Variants in ABLIM1 observed in about 807,000 individuals in gnomAD.
The protein encoded by ABLIM1 is actin binding LIM protein 1.
In ABLIM1, 40 loss-of-function variants were observed where a neutral mutation model predicts 107.0. That is an observed-to-expected ratio of 0.37 (90% confidence interval 0.29 to 0.49). The LOEUF (loss-of-function observed/expected upper bound fraction) is 0.49. ABLIM1 is among the 20% of genes least tolerant of loss of function. The probability of loss-of-function intolerance (pLI) is 0.97; values close to 1 mark genes in which losing one functional copy is unlikely to be tolerated. For missense variants in ABLIM1, 857 were observed against 1,008.5 expected, an observed-to-expected ratio of 0.85 and a Z score of 2.04; for synonymous variants, 357 against 357.3, an observed-to-expected ratio of 1.00 and a Z score of 0.01.
chr10:114,562,614 G>A (rs2069918132), intron 4 of ABLIM1, among the ~76,000 whole-genome samples: 1 of 152,220 alleles, frequency 6.6e-6, no homozygotes, highest in Non-Finnish European at 1.5e-5. Context: ...CCCCTGTTAA[G>A]TAAGGGAAAA....
the ABLIM1 span, among the ~76,000 whole-genome samples, chr10:114,789,816 G>C: frequency 6.7e-6 from 1 of 148,170 alleles, no homozygotes; most frequent in South Asian, 2.1e-4. Context: ...TGGATACAGA[G>C]TCTCACTCTA....
chr10:114,471,572 G>A (rs754931714), intron 10 of ABLIM1, among the ~76,000 whole-genome samples: 19 of 152,050 alleles, frequency 1.2e-4, no homozygotes, highest in Non-Finnish European at 2.2e-4. Flanking sequence ...ACATGAAAAT[G>A]GATATCACTT....
At chr10:114,518,512 C>G (rs1487780318) in intron 6 of ABLIM1, among the ~76,000 whole-genome samples, 2 of 151,500 alleles carry the variant, frequency 1.3e-5, no homozygotes, top group African/African-American at 4.8e-5. Context: ...TGGTCCTGTG[C>G]CAATAAAGCT....
At position 114,703,819 on chromosome 10, in the gene ABLIM1, G is replaced by C. The variant is rs138164156; in HGVS notation, c.-213+64242C>G. Among the ~76,000 whole-genome samples, 815 of 152,280 alleles carry C rather than the reference G, an allele frequency of 5.4e-3. 3 individuals are homozygous for C. Among genetic ancestry groups the C allele is most frequent in the Non-Finnish European group, 8.1e-3 (551 of 68,024 alleles). ...GAGCCCAGAAGGGTCGCAGATAGAGGCTGGGGGCACAGAACACTACCACCC... is the reference window on the plus strand; with the variant it reads ...GAGCCCAGAAGGGTCGCAGATAGAGCCTGGGGGCACAGAACACTACCACCC... On this transcript the variant is annotated intron_variant, in intron 1 of 15. Coordinates refer to the ABLIM1 transcript ENST00000651092.
chr10:114,737,945 G>A (rs184879289), intron 1 of ABLIM1, among the ~76,000 whole-genome samples: 6 of 151,750 alleles, frequency 4.0e-5, no homozygotes, highest in African/African-American at 1.4e-4. Context: ...CTACTTTTGT[G>A]AATATTAAAA....
chr10:114,473,780 T>C, intron 9 of ABLIM1, 99 bp downstream of exon 9: 1 of 878,138 alleles, frequency 1.1e-6, no homozygotes, highest in Non-Finnish European at 1.8e-6. Flanking sequence ...AAAATAGAAA[T>C]CACTTTGAAT....
At chr10:114,676,931 T>C (rs1179703614) in intron 1 of ABLIM1, among the ~76,000 whole-genome samples, 1 of 152,088 alleles carries the variant, frequency 6.6e-6, no homozygotes, top group Non-Finnish European at 1.5e-5. Flanking sequence ...AGACGGGGTT[T>C]CTCCATGTTG....
chr10:114,613,195 C>G (rs1023877155), intron 1 of ABLIM1, among the ~76,000 whole-genome samples: 1 of 152,238 alleles, frequency 6.6e-6, no homozygotes, highest in Admixed American at 6.5e-5. Flanking sequence ...AAGATAATAA[C>G]TCCTGTGATC....
chr10:114,603,383 G>T (rs1372711202), intron 1 of ABLIM1, among the ~76,000 whole-genome samples: 2 of 152,098 alleles, frequency 1.3e-5, no homozygotes, highest in African/African-American at 4.8e-5. Context: ...CTAGGAGCAG[G>T]TGTAGTTTCA....
intron 6 of ABLIM1, among the ~76,000 whole-genome samples, chr10:114,544,353 C>T (rs2067055974): frequency 6.6e-6 from 1 of 152,208 alleles, no homozygotes; most frequent in South Asian, 2.1e-4. Flanking sequence ...CTTCTGAACT[C>T]TGGCCCCAGA....
intron 6 of ABLIM1, among the ~76,000 whole-genome samples, chr10:114,493,552 A>G (rs1484787148): frequency 4.6e-5 from 7 of 152,230 alleles, no homozygotes; most frequent in African/African-American, 1.7e-4. Flanking sequence ...ATGTCAAGAA[A>G]AATAAGTATA....
chr10:114,736,916 C>T (rs1453812449), intron 1 of ABLIM1, among the ~76,000 whole-genome samples: 2 of 152,116 alleles, frequency 1.3e-5, no homozygotes, highest in African/African-American at 4.8e-5. Context: ...TGGCCCAGCG[C>T]GGTGGCTCAA....
intron 6 of ABLIM1, among the ~76,000 whole-genome samples, chr10:114,516,235 G>A (rs934438754): frequency 6.6e-6 from 1 of 152,054 alleles, no homozygotes; most frequent in Non-Finnish European, 1.5e-5. Context: ...CATAAAAAAT[G>A]TTTTGCGGCC....
chr10:114,759,813 G>C (rs542561783), intron 1 of ABLIM1, among the ~76,000 whole-genome samples: 2 of 152,282 alleles, frequency 1.3e-5, no homozygotes, highest in African/African-American at 4.8e-5. Context: ...AAAGGCCACA[G>C]TCTCAATTTT....
intron 4 of ABLIM1, among the ~76,000 whole-genome samples, chr10:114,555,384 C>T (rs2068594908): frequency 6.6e-6 from 1 of 152,124 alleles, no homozygotes; most frequent in South Asian, 2.1e-4. Flanking sequence ...CCGGGCTTTG[C>T]CTGCCCAATT....
intron 19 of ABLIM1, 45 bp from the exon 20 acceptor site, chr10:114,440,134 G>C: frequency 6.4e-7 from 1 of 1,550,786 alleles, no homozygotes; most frequent in Non-Finnish European, 8.9e-7. Flanking sequence ...AAAGACCATG[G>C]AAAAGCAAGG....
the ABLIM1 span, chr10:114,775,799 A>G: frequency 6.6e-6 from 1 of 152,208 alleles, no homozygotes. Flanking sequence ...CTAGGACATC[A>G]ACACTATTTT....
At chr10:114,554,061 G>C (rs917251293) in intron 4 of ABLIM1, among the ~76,000 whole-genome samples, 1 of 152,084 alleles carries the variant, frequency 6.6e-6, no homozygotes, top group Non-Finnish European at 1.5e-5. Context: ...GAGAAGGGTG[G>C]GCTGCAAGAG....
At chr10:114,537,166 T>C (rs1192204413) in intron 6 of ABLIM1, among the ~76,000 whole-genome samples, 4 of 152,284 alleles carry the variant, frequency 2.6e-5, no homozygotes, top group East Asian at 3.9e-4. Context: ...AGGTAGATAA[T>C]AAAGTTCAGG....
Sources: gnomAD v4.1 joint callset for allele counts (sites outside exome capture counted in the v4.1 genomes callset) on GRCh38, gnomAD v4.1.1 for gene constraint, MANE v1.5 for transcripts, NCBI Gene and HGNC (gene_info 2026-07-23, HGNC 2026-07-21) for gene names.